TBC1D1: variants seen among roughly 807,000 people sequenced by gnomAD.
TBC1D1 encodes TBC1 (tre-2/USP6, BUB2, cdc16) domain family, member 1.
TBC1D1 carries 89 observed loss-of-function variants against 125.6 expected under a neutral mutation model. The observed-to-expected ratio is 0.71, with a 90% CI of 0.60 to 0.85. TBC1D1 has a LOEUF of 0.85. Among genes scored for constraint, TBC1D1 ranks in the 40% least tolerant of loss-of-function variants. TBC1D1 has a pLI of 0.00. For missense variants in TBC1D1, 1,377 were observed against 1,469.2 expected (o/e 0.94, Z 1.03); for synonymous variants, 565 against 564.1 (o/e 1.00, Z -0.02).
At chr4:38,109,363 G>A (rs1433193716) in intron 15 of TBC1D1, among the ~76,000 whole-genome samples, 1 of 152,182 alleles carries the variant, frequency 6.6e-6, no homozygotes, top group African/African-American at 2.4e-5. Context: ...AGTCCAAAGT[G>A]AAATAACTAA....
In TBC1D1 at chr4:38,014,750, C is replaced by T; in HGVS notation, c.659C>T (p.Ala220Val). 6.2e-7 allele frequency: 1 copy of T among 1,611,306 alleles called. No homozygotes were observed. The change falls in exon 3 of 20, where the codon GCG becomes GTG. Residue 220 changes from alanine (A) to valine (V), a missense_variant. By Grantham distance (64) the Ala-to-Val change is moderately conservative. Transcript: ENST00000261439. This position sits in a 1 kb window ranked among gnomAD's most constrained non-coding sequence, Gnocchi z 5.1. ...CCCCGCCCCAACCCGCCCCATGCCG[C>T]GCCCACAGGGAGCCAGGAGCCTGTG... is the stretch of plus-strand genomic sequence containing the variant.
chr4:38,123,274 A>G (rs1229442860), intron 17 of TBC1D1, among the ~76,000 whole-genome samples: 1 of 152,236 alleles, frequency 6.6e-6, no homozygotes, highest in African/African-American at 2.4e-5. Flanking sequence ...TTGTTCAGCT[A>G]TAAAAGTTCA....
At chr4:38,037,688 C>T (rs1747482023) in intron 8 of TBC1D1, among the ~76,000 whole-genome samples, 2 of 152,208 alleles carry the variant, frequency 1.3e-5, no homozygotes, top group African/African-American at 4.8e-5. Context: ...TGACAAAGAA[C>T]TTCTCTGGCC....
At chr4:38,098,804 G>A (rs1180230088) in intron 14 of TBC1D1, among the ~76,000 whole-genome samples, 1 of 152,128 alleles carries the variant, frequency 6.6e-6, no homozygotes, top group East Asian at 1.9e-4. Context: ...TTGTAAGAGA[G>A]GACAGTTGTG....
Position 38,118,183 on chromosome 4 carries a change from A to G in TBC1D1, c.2953A>G (p.Arg985Gly). The change falls in exon 17 of 20, where the codon AGA becomes GGA. Residue 985 changes from arginine (R) to glycine (G), a missense_variant. By Grantham distance (125) the Arg-to-Gly change is moderately radical. Around this residue, in one of 3 missense-constraint regions of TBC1D1, gnomAD observed 543 missense variants for 613.5 expected, o/e 0.89. Coordinates refer to ENST00000261439, the MANE Select transcript of TBC1D1 (RefSeq NM_015173.4). ...ACAGTTCCCGCTGGGATTCGTAGCC[A>G]GAGTCTTTGGTGAGCATTAGTAAAT... 2 of 1,614,204 alleles carry G rather than the reference A, an allele frequency of 1.2e-6. No homozygotes were observed. The highest frequency in any genetic ancestry group is 2.2e-5 in the East Asian group (1 of 44,878).
At chr4:37,980,417 C>A (rs982760722) in intron 2 of TBC1D1, among the ~76,000 whole-genome samples, 2 of 152,190 alleles carry the variant, frequency 1.3e-5, no homozygotes, top group Non-Finnish European at 2.9e-5. Context: ...ATAGTAAACT[C>A]ACAGATGTCC....
chr4:37,898,051 T>C (rs1217905581), intron 1 of TBC1D1, among the ~76,000 whole-genome samples: 1 of 152,248 alleles, frequency 6.6e-6, no homozygotes, highest in African/African-American at 2.4e-5. Flanking sequence ...ATGAGTTATG[T>C]TCAAATTATA....
chr4:37,904,017 A>C (rs1160220218), intron 2 of TBC1D1, among the ~76,000 whole-genome samples: 1 of 152,176 alleles, frequency 6.6e-6, no homozygotes, highest in Non-Finnish European at 1.5e-5. Flanking sequence ...ATTCAGAGGG[A>C]CTAACTTCCT....
intron 12 of TBC1D1, among the ~76,000 whole-genome samples, chr4:38,060,415 G>A (rs1014311786): frequency 1.3e-5 from 2 of 152,084 alleles, no homozygotes; most frequent in African/African-American, 2.4e-5. Flanking sequence ...AATAATCACC[G>A]TTCTGACTGG....
At chr4:37,951,597 T>A (rs530118006) in intron 2 of TBC1D1, among the ~76,000 whole-genome samples, 1 of 152,330 alleles carries the variant, frequency 6.6e-6, no homozygotes, top group African/African-American at 2.4e-5. Flanking sequence ...GCGAGATTTA[T>A]CTTCTGTGGT....
intron 6 of TBC1D1, among the ~76,000 whole-genome samples, chr4:38,023,261 G>T: frequency 1.2e-5 from 1 of 81,662 alleles, no homozygotes. Context: ...AAAAAAAAAG[G>T]AATATTTATT....
intron 1 of TBC1D1, among the ~76,000 whole-genome samples, chr4:37,900,612 G>T (rs755542638): frequency 2.3e-4 from 35 of 152,124 alleles, no homozygotes; most frequent in Non-Finnish European, 4.6e-4. Context: ...TATGCTAGGG[G>T]AGTGGGGCAG....
intron 8 of TBC1D1, 61 bp downstream of exon 8, chr4:38,035,759 A>T: frequency 5.6e-6 from 7 of 1,257,018 alleles, no homozygotes; most frequent in Non-Finnish European, 6.8e-6. Context: ...TGTATAAACA[A>T]CGTTTTGAGG....
intron 1 of TBC1D1, among the ~76,000 whole-genome samples, chr4:37,900,025 G>T (rs1715522609): frequency 6.6e-6 from 1 of 152,118 alleles, no homozygotes; most frequent in South Asian, 2.1e-4. Context: ...GGAGGCTGAC[G>T]CGGGAGAATG....
At chr4:38,025,079 TA>T (rs1224373136) in intron 6 of TBC1D1, among the ~76,000 whole-genome samples, 3 of 151,988 alleles carry the variant, frequency 2.0e-5, no homozygotes, top group South Asian at 2.1e-4. Flanking sequence ...GAGCATTCAT[TA>T]AAAAAAATAG....
chr4:38,079,595 T>C (rs972214305), intron 12 of TBC1D1, among the ~76,000 whole-genome samples: 6 of 152,064 alleles, frequency 3.9e-5, no homozygotes, highest in African/African-American at 1.2e-4. Flanking sequence ...GGTGTGGTGG[T>C]GTGCACCCAT....
intron 2 of TBC1D1, among the ~76,000 whole-genome samples, chr4:37,926,870 A>C (rs1308888317): frequency 6.6e-6 from 1 of 152,174 alleles, no homozygotes; most frequent in African/African-American, 2.4e-5. Context: ...TAATCCCAGC[A>C]CTTTGGGAGG....
chr4:38,104,475 C>T (rs1211515062), intron 15 of TBC1D1, among the ~76,000 whole-genome samples: 2 of 152,238 alleles, frequency 1.3e-5, no homozygotes, highest in East Asian at 1.9e-4. Flanking sequence ...GCTGTCTCTA[C>T]TGGTGGTGAG....
chr4:37,942,522 A>C (rs188900197), intron 2 of TBC1D1, among the ~76,000 whole-genome samples: 22 of 152,062 alleles, frequency 1.4e-4, no homozygotes, highest in African/African-American at 5.3e-4. Flanking sequence ...ATTTACACTT[A>C]AGGTTAATAT....
Sources: allele counts gnomAD v4.1 joint callset (sites outside exome capture counted in the v4.1 genomes callset), GRCh38; gene constraint gnomAD v4.1.1; regional missense constraint gnomAD v4.1.1; non-coding constraint Gnocchi (gnomAD v3.1); transcripts MANE v1.5; gene names NCBI Gene and HGNC (gene_info 2026-07-23, HGNC 2026-07-21).